The following ARPP21 variants were observed in gnomAD, a reference collection of about 807,000 sequenced individuals.
ARPP21 encodes the protein cAMP-regulated phosphoprotein 21.
A neutral mutation model predicts 113.2 loss-of-function variants in ARPP21; 69 were observed. The ratio of observed to expected loss-of-function variants is 0.61; its 90% CI spans 0.50 to 0.74. ARPP21 has a LOEUF of 0.74. ARPP21 is among the 30% of genes least tolerant of loss of function. The pLI, the probability that ARPP21 is intolerant of heterozygous loss-of-function variation, is 0.00. For synonymous variants in ARPP21, 368 were observed against 375.5 expected, an observed-to-expected ratio of 0.98 and a Z score of 0.23; for missense variants, 1,070 against 1,037.4, an observed-to-expected ratio of 1.03 and a Z score of -0.43.
At chr3:35,735,287 A>AT (rs751713067) in intron 15 of ARPP21, among the ~76,000 whole-genome samples, 3 of 151,334 alleles carry the variant, frequency 2.0e-5, no homozygotes, top group Admixed American at 1.3e-4. Flanking sequence ...AATTTTTTGT[A>AT]TTTTTTTTAG....
intron 19 of ARPP21, chr3:35,792,078 C>T (rs901628041): frequency 9.2e-6 from 2 of 217,302 alleles, no homozygotes; most frequent in East Asian, 1.0e-4. Context: ...TTATAGTAGT[C>T]AATTGGTATC....
chr3:35,684,951 G>T (rs2080110645), intron 5 of ARPP21: 9 of 984,184 alleles, frequency 9.1e-6, no homozygotes, highest in Admixed American at 6.2e-5. Flanking sequence ...CATTTTATTT[G>T]TGCTTCTCTT....
chr3:35,765,077 A>G (rs2095913978), intron 19 of ARPP21, among the ~76,000 whole-genome samples: 1 of 152,156 alleles, frequency 6.6e-6, no homozygotes, highest in African/African-American at 2.4e-5. Context: ...TAATTATTTT[A>G]AATCAAAATT....
intron 9 of ARPP21, among the ~76,000 whole-genome samples, chr3:35,694,581 C>T (rs1375364972): frequency 1.3e-5 from 2 of 151,380 alleles, no homozygotes; most frequent in African/African-American, 4.8e-5. Flanking sequence ...CAATGGTTAG[C>T]ATGACTGGGA....
chr3:35,767,351 G>A (rs751335232), intron 19 of ARPP21, among the ~76,000 whole-genome samples: 2 of 152,014 alleles, frequency 1.3e-5, no homozygotes, highest in African/African-American at 2.4e-5. Context: ...TTCTAATAAG[G>A]CAAAAATAAT....
chr3:35,745,547 C>G (rs928628493), intron 19 of ARPP21, among the ~76,000 whole-genome samples: 1 of 152,118 alleles, frequency 6.6e-6, no homozygotes, highest in Non-Finnish European at 1.5e-5. Context: ...TACAAAGAAA[C>G]GCAGTTACAA....
chr3:35,730,356 C>T lies in ARPP21; in HGVS notation c.1459+820C>T, dbSNP rs77870138. Among the ~76,000 whole-genome samples, 47 of 152,280 alleles carry T rather than the reference C, an allele frequency of 3.1e-4. No homozygotes were observed. In the East Asian group the frequency reaches 4.4e-3, roughly 14 times the overall value. ...TTTGTCTCTGGCCCCAAGGCCATTC[C>T]GCAATATCTGGAGACATTTTGATTA... On this transcript the variant is annotated intron_variant, in intron 15 of 20. Coordinates refer to ENST00000684406, the MANE Select transcript of ARPP21 (RefSeq NM_001385562.1).
chr3:35,682,012 T>C, intron 3 of ARPP21, 132 bp downstream of exon 3: 1 of 1,125,110 alleles, frequency 8.9e-7, no homozygotes, highest in Non-Finnish European at 1.2e-6. Flanking sequence ...GCTAGTCTCC[T>C]ACTTTTTCAA....
At position 35,776,478 on chromosome 3, in the gene ARPP21, C is replaced by T. The variant is rs896399817; in HGVS notation, c.2138-15904C>T. Among the ~76,000 whole-genome samples the T allele has an allele frequency of 3.5e-4, 53 of 152,218 alleles. 2 individuals carry two copies. Among genetic ancestry groups the T allele is most frequent in the Non-Finnish European group, 1.0e-4 (7 of 68,008 alleles). On this transcript the variant is annotated intron_variant, in intron 19 of 20. Coordinates refer to ENST00000684406, the MANE Select transcript of ARPP21 (RefSeq NM_001385562.1). ...GTGTCTTATCTTTGATGCAATGACACGGAGCTCCACTTAATAAGTCACCAG... is the reference window on the plus strand; with the variant it reads ...GTGTCTTATCTTTGATGCAATGACATGGAGCTCCACTTAATAAGTCACCAG...
chr3:35,756,406 T>G (rs2095571646), intron 19 of ARPP21, among the ~76,000 whole-genome samples: 1 of 152,106 alleles, frequency 6.6e-6, no homozygotes, highest in Non-Finnish European at 1.5e-5. Flanking sequence ...AAACGTTCTT[T>G]GGGAGAGTAT....
chr3:35,739,244 G>T, intron 17 of ARPP21, 73 bp from the exon 18 acceptor site: 3 of 1,539,094 alleles, frequency 1.9e-6, no homozygotes, highest in Non-Finnish European at 2.6e-6. Context: ...TGTGTCCTGT[G>T]TCTGCCTCAG....
At chr3:35,793,586 G>T in intron 20 of ARPP21, 115 bp from the exon 21 acceptor site, 1 of 709,792 alleles carries the variant, frequency 1.4e-6, no homozygotes, top group Non-Finnish European at 2.5e-6. Context: ...AGCTGGAATT[G>T]ATGACCTGTT....
chr3:35,755,989 T>C (rs548934344), intron 19 of ARPP21, among the ~76,000 whole-genome samples: 2 of 152,236 alleles, frequency 1.3e-5, no homozygotes, highest in Admixed American at 6.5e-5. Flanking sequence ...TAAAACTCTT[T>C]CTTCATTCTA....
At chr3:35,791,817 C>T (rs766351405) in intron 19 of ARPP21, among the ~76,000 whole-genome samples, 21 of 152,212 alleles carry the variant, frequency 1.4e-4, no homozygotes, top group Non-Finnish European at 3.1e-4. Context: ...TTGCTGTTGC[C>T]TTTTTGTCTA....
intron 19 of ARPP21, among the ~76,000 whole-genome samples, chr3:35,787,065 G>A (rs182094301): frequency 2.0e-5 from 3 of 152,178 alleles, no homozygotes; most frequent in Non-Finnish European, 4.4e-5. Context: ...AAAATCCATA[G>A]TGTTCACAGA....
chr3:35,682,093 AG>A (rs2079077399), intron 3 of ARPP21, among the ~76,000 whole-genome samples: 1 of 151,854 alleles, frequency 6.6e-6, no homozygotes, highest in South Asian at 2.1e-4. Context: ...GTCATAGGAA[AG>A]TATTTATTTT....
chr3:35,667,920 G>GA (rs1464104233), intron 1 of ARPP21, among the ~76,000 whole-genome samples: 9 of 117,782 alleles, frequency 7.6e-5, no homozygotes, highest in African/African-American at 2.8e-4. Context: ...GAAGGAGGAG[G>GA]AGGAGGAGGA....
intron 1 of ARPP21, among the ~76,000 whole-genome samples, chr3:35,649,925 G>A (rs1423742334): frequency 6.6e-6 from 1 of 152,096 alleles, no homozygotes; most frequent in Non-Finnish European, 1.5e-5. Context: ...AATGAAATGA[G>A]TTTGCTTTCT....
rs1300798540 is a variant in ARPP21, at chr3:35,674,505, A to T, written c.-212-5282A>T. On this transcript the variant is annotated intron_variant, in intron 1 of 20. Coordinates refer to ENST00000684406, the MANE Select transcript of ARPP21 (RefSeq NM_001385562.1). ...TCAGCACCAATATGGATTGTAATTA[A>T]TTGTTCCACATTAAAAAATTATGAT... is the stretch of plus-strand genomic sequence containing the variant. 4.0e-5 allele frequency among the ~76,000 whole-genome samples: 6 copies of T among 151,834 alleles called. No individual in the cohort carries two copies. In the East Asian group the frequency reaches 1.2e-3, roughly 30 times the overall value.
Sources: gnomAD v4.1 joint callset for allele counts (sites outside exome capture counted in the v4.1 genomes callset) on GRCh38, gnomAD v4.1.1 for gene constraint, MANE v1.5 for transcripts, NCBI Gene and HGNC (gene_info 2026-07-23, HGNC 2026-07-21) for gene names.